The following IL12RB2 variants were observed in gnomAD, a reference collection of about 807,000 sequenced individuals.
The protein encoded by IL12RB2 is interleukin 12 receptor subunit beta 2.
A neutral mutation model predicts 89.4 loss-of-function variants in IL12RB2; 82 were observed. That is an observed-to-expected ratio of 0.92 (90% CI 0.77 to 1.10). The LOEUF (loss-of-function observed/expected upper bound fraction) is 1.10. Among genes scored for constraint, IL12RB2 ranks in the 50% least tolerant of loss-of-function variants. The probability of loss-of-function intolerance (pLI) is 0.00; values close to 1 mark genes in which losing one functional copy is unlikely to be tolerated. For synonymous variants in IL12RB2, 368 were observed against 370.1 expected, an observed-to-expected ratio of 0.99 and a Z score of 0.07; for missense variants, 963 against 1,031.9, an observed-to-expected ratio of 0.93 and a Z score of 0.92.
At chr1:67,392,955 A>T (rs1278938704) in intron 16 of IL12RB2, among the ~76,000 whole-genome samples, 1 of 152,044 alleles carries the variant, frequency 6.6e-6, no homozygotes, top group Non-Finnish European at 1.5e-5. Flanking sequence ...TGTGCATATA[A>T]TTTTTTTGCA....
chr1:67,384,459 C>T (rs1664930964), intron 14 of IL12RB2, among the ~76,000 whole-genome samples: 1 of 152,202 alleles, frequency 6.6e-6, no homozygotes, highest in Admixed American at 6.5e-5. Flanking sequence ...TTTTTCCCTC[C>T]TAGGCCTCCA....
Position 67,395,807 on chromosome 1 carries a change from G to A in IL12RB2, c.2307G>A (p.Val769=). The part of the protein sequence containing the change: ...ESRQLVDLYK[V]LESRGSDPKP... ...GACAACTGGTGGATCTGTACAAGGT[G>A]CTGGAGAGCAGGGGCTCCGACCCAA... Residue 769 remains valine, a synonymous_variant, in exon 17 of 17, where the codon GTG becomes GTA. Transcript: ENST00000674203. The A allele has an allele frequency of 6.2e-7, 1 of 1,613,486 alleles. No individual in the cohort carries two copies. Among genetic ancestry groups the A allele is most frequent in the Non-Finnish European group, 8.5e-7 (1 of 1,179,444 alleles).
At chr1:67,319,147 C>G (rs944112586) in intron 2 of IL12RB2, among the ~76,000 whole-genome samples, 1 of 152,208 alleles carries the variant, frequency 6.6e-6, no homozygotes, top group African/African-American at 2.4e-5. Context: ...TTTTCTGAAG[C>G]TCTTCAATAT....
intron 13 of IL12RB2, among the ~76,000 whole-genome samples, chr1:67,375,373 C>T (rs1017555886): frequency 2.0e-5 from 3 of 151,892 alleles, no homozygotes; most frequent in South Asian, 2.1e-4. Flanking sequence ...CCAGCCTGGG[C>T]GACAGAGATG....
chr1:67,327,611 T>G (rs1483027385), intron 5 of IL12RB2, among the ~76,000 whole-genome samples: 4 of 152,036 alleles, frequency 2.6e-5, no homozygotes, highest in Non-Finnish European at 5.9e-5. Context: ...GACCTAAGAG[T>G]CCATGAGAAG....
chr1:67,319,905 C>T (rs1656272280), intron 2 of IL12RB2, among the ~76,000 whole-genome samples: 1 of 152,132 alleles, frequency 6.6e-6, no homozygotes, highest in African/African-American at 2.4e-5. Context: ...TTGTCCCTTC[C>T]ACCATGTGAG....
intron 4 of IL12RB2, among the ~76,000 whole-genome samples, chr1:67,324,297 A>C (rs1384693141): frequency 6.6e-6 from 1 of 152,194 alleles, no homozygotes; most frequent in Non-Finnish European, 1.5e-5. Flanking sequence ...ATCTCGTCTC[A>C]CTTCAACCTC....
Position 67,395,891 on chromosome 1 carries a change from T to C in IL12RB2, c.2391T>C (p.His797=), listed in dbSNP as rs978940828. 3 of 1,609,270 alleles carry C rather than the reference T, an allele frequency of 1.9e-6. No individual in the cohort carries two copies. The highest frequency in any genetic ancestry group is 1.3e-5 in the African/African-American group (1 of 74,824). The stretch of plus-strand genomic sequence containing the variant: ...TCCCAGCAGGTGACCTTCCCACCCA[T>C]GATGGCTACTTACCCTCCAACATAG... ...TVLPAGDLPT[H]DGYLPSNIDD... Residue 797 remains histidine (H), a synonymous_variant, in exon 17 of 17, where the codon CAT becomes CAC. Transcript: ENST00000674203.
intron 9 of IL12RB2, among the ~76,000 whole-genome samples, chr1:67,342,370 T>G (rs1659732305): frequency 6.6e-6 from 1 of 152,200 alleles, no homozygotes; most frequent in Admixed American, 6.5e-5. Flanking sequence ...TGAGAGCACT[T>G]TTCTCTTGCA....
At position 67,328,258 on chromosome 1, in the gene IL12RB2, T is replaced by C; in HGVS notation, c.538T>C (p.Tyr180His). ...GCAATGTAAAGACATTTATTGTGAC[T>C]ATTTGGACTTTGGAATCAACCTCAC... ...QKQCKDIYCD[Y>H]LDFGINLTPE... The change falls in exon 6 of 17, where the codon TAT becomes CAT. Residue 180 changes from tyrosine to histidine, a missense_variant. By Grantham distance (83) the Tyr-to-His change is moderately conservative. Transcript: ENST00000674203. 1 of 1,614,196 alleles carries C rather than the reference T, an allele frequency of 6.2e-7. No individual in the cohort carries two copies. The highest frequency in any genetic ancestry group is 8.5e-7 in the Non-Finnish European group (1 of 1,180,020).
chr1:67,369,586 A>G (rs1238457651), intron 11 of IL12RB2, among the ~76,000 whole-genome samples: 2 of 152,220 alleles, frequency 1.3e-5, no homozygotes, highest in East Asian at 3.8e-4. Context: ...AAAAGCATTT[A>G]CCAAACTTTA....
chr1:67,341,133 C>T (rs1316726198), intron 9 of IL12RB2, among the ~76,000 whole-genome samples: 6 of 152,182 alleles, frequency 3.9e-5, no homozygotes, highest in African/African-American at 7.2e-5. Flanking sequence ...GGCACAGTGG[C>T]TTACGCCAGT....
At chr1:67,383,888 T>C (rs1664866448) in intron 14 of IL12RB2, among the ~76,000 whole-genome samples, 1 of 152,258 alleles carries the variant, frequency 6.6e-6, no homozygotes, top group African/African-American at 2.4e-5. Flanking sequence ...CATTAGGTCA[T>C]GCTGATGCAA....
intron 11 of IL12RB2, among the ~76,000 whole-genome samples, chr1:67,371,722 T>C (rs1663345626): frequency 6.6e-6 from 1 of 152,178 alleles, no homozygotes; most frequent in Non-Finnish European, 1.5e-5. Context: ...AAATTGAAAG[T>C]GCGGCGCTTT....
intron 5 of IL12RB2, 113 bp downstream of exon 5, chr1:67,326,962 T>TATTTATTG (rs1657401429): frequency 1.2e-6 from 1 of 868,362 alleles, no homozygotes; most frequent in East Asian, 8.2e-5. Flanking sequence ...TTTATTTATT[T>TATTTATTG]ATTTATTTAT....
intron 1 of IL12RB2, among the ~76,000 whole-genome samples, chr1:67,313,206 A>T (rs1293907013): frequency 6.6e-6 from 1 of 152,350 alleles, no homozygotes; most frequent in Middle Eastern, 3.4e-3. Flanking sequence ...CCATCACCAT[A>T]GTGGAATAGC....
At chr1:67,308,426 G>T (rs985692199) in intron 1 of IL12RB2, among the ~76,000 whole-genome samples, 1 of 152,058 alleles carries the variant, frequency 6.6e-6, no homozygotes, top group African/African-American at 2.4e-5. Flanking sequence ...TATTGGGGGG[G>T]GCCTTCCGTA....
intron 1 of IL12RB2, among the ~76,000 whole-genome samples, chr1:67,312,719 T>TA (rs1034033783): frequency 0.021 from 2,775 of 131,050 alleles, 35 homozygotes; most frequent in Non-Finnish European, 0.03. Flanking sequence ...ACATTGAATT[T>TA]AAAAAAAAAA....
At position 67,397,787 on chromosome 1, in the gene IL12RB2, G is replaced by A. The variant is rs1442714870; in HGVS notation, c.*1698G>A. Among the ~76,000 whole-genome samples, 2 of 152,204 alleles carry A rather than the reference G, an allele frequency of 1.3e-5. No individual in the cohort carries two copies. Among genetic ancestry groups the A allele is most frequent in the Non-Finnish European group, 2.9e-5 (2 of 68,028 alleles). On this transcript the variant is annotated 3_prime_UTR_variant, in exon 17 of 17. Coordinates refer to ENST00000674203, the MANE Select transcript of IL12RB2 (RefSeq NM_001374259.2). ...GTCCACCCCGTACCCCTTCCCACATGAACGCTGGAACTGAGATGGCTTCCC... is the reference window on the plus strand; with the variant it reads ...GTCCACCCCGTACCCCTTCCCACATAAACGCTGGAACTGAGATGGCTTCCC...
Sources: gnomAD v4.1 joint callset for allele counts (sites outside exome capture counted in the v4.1 genomes callset) on GRCh38, gnomAD v4.1.1 for gene constraint, MANE v1.5 for transcripts, NCBI Gene and HGNC (gene_info 2026-07-23, HGNC 2026-07-21) for gene names.